The following AHNAK variants were observed in gnomAD, a reference collection of about 807,000 sequenced individuals.
AHNAK encodes neuroblast differentiation-associated protein AHNAK.
A neutral mutation model predicts 37.8 loss-of-function variants in AHNAK; 23 were observed. The observed-to-expected ratio is 0.61, with a 90% CI of 0.44 to 0.86. The LOEUF is 0.86. Among genes scored for constraint, AHNAK ranks in the 40% least tolerant of loss-of-function variants. The pLI is 0.00. For synonymous variants in AHNAK, 2,481 were observed against 2,636.3 expected (o/e 0.94, Z 1.80); for missense variants, 7,411 against 7,319.4 (o/e 1.01, Z -0.46).
Position 62,535,958 on chromosome 11 carries a change from C to A in AHNAK, c.141G>T (p.Gly47=). Residue 47 remains glycine (G), a synonymous_variant, in exon 3 of 5, where the codon GGG becomes GGT. Transcript: ENST00000378024. ...VTQNSPAART[G]VVKEGDQIVG... Reference sequence around the variant, plus strand: ...GGGGTGACTCACCCTCCTTGACCACCCCAGTGCGGGCCGCAGGGGAGTTCT... The same window carrying A: ...GGGGTGACTCACCCTCCTTGACCACACCAGTGCGGGCCGCAGGGGAGTTCT... 6.2e-7 allele frequency: 1 copy of A among 1,611,358 alleles called. No homozygotes were observed. The highest frequency in any genetic ancestry group is 8.5e-7 in the Non-Finnish European group (1 of 1,179,294).
Position 62,535,021 on chromosome 11 carries a change from G to A in AHNAK, c.324C>T (p.Cys108=). ...TACTCACCAGAACCACTTCAGAGCT[G>A]CAGGAGCTGAAGACTTCACGGGTCC... ...QTWTREVFSS[C]SSEVVLSGDD... The change falls in exon 4 of 5, where the codon TGC becomes TGT. Residue 108 remains cysteine (C), a synonymous_variant. Transcript: ENST00000378024. 6.2e-7 allele frequency: 1 copy of A among 1,611,480 alleles called. No individual in the cohort carries two copies. The highest frequency in any genetic ancestry group is 8.5e-7 in the Non-Finnish European group (1 of 1,178,150).
At chr11:62,440,211 C>T (rs1038252063) in intron 5 of AHNAK, among the ~76,000 whole-genome samples, 3 of 152,212 alleles carry the variant, frequency 2.0e-5, no homozygotes, top group African/African-American at 7.2e-5. Flanking sequence ...CTTTCTCAAG[C>T]TCACAGGGGC....
In AHNAK at chr11:62,433,723, A is replaced by G. The variant is rs78106831; in HGVS notation, c.*161T>C. The G allele has an allele frequency of 5.4e-3, 4,890 of 900,138 alleles. 176 individuals are homozygous for G. In the African/African-American group the frequency reaches 0.071, roughly 13 times the overall value. The allele number at this position is 900,138 out of a possible 1,614,324, so 55.8% of individuals were successfully genotyped here. A position where few individuals can be genotyped will look rare whatever the true frequency, so the allele number is the denominator to read the frequency against. ...GTCTGGCCTGGCTGGAGCTATAAAC[A>G]TGCATGCTCCGAAAAGCCGCCTCGC... On this transcript the variant is annotated 3_prime_UTR_variant, in exon 6 of 6. Coordinates refer to the AHNAK transcript ENST00000257247.
chr11:62,466,366 C>A (rs1938912361), intron 5 of AHNAK, among the ~76,000 whole-genome samples: 1 of 152,054 alleles, frequency 6.6e-6, no homozygotes, highest in African/African-American at 2.4e-5. Flanking sequence ...TTGTACTGCT[C>A]CCCTGAACAC....
downstream of AHNAK, among the ~76,000 whole-genome samples, chr11:62,513,992 C>G (rs747305934): frequency 3.1e-4 from 47 of 152,280 alleles, 1 homozygote; most frequent in Admixed American, 3.9e-4. Context: ...AATCTGAGAT[C>G]AGTGGGACTG....
chr11:62,525,904 G>A lies in AHNAK; in HGVS notation c.8513C>T (p.Pro2838Leu), dbSNP rs1160842425. The stretch of plus-strand genomic sequence containing the variant: ...ACCTGTGAGATTCAGGTCAATATCT[G>A]GCATGGATATCTTTGGAGTCTTAAA... ...MHFKTPKISM[P>L]DIDLNLTGPK... Residue 2838 changes from proline (P) to leucine (L), a missense_variant, in exon 5 of 5, where the codon CCA becomes CTA. Pro to Leu is a moderately conservative substitution (Grantham distance 98). Transcript: ENST00000378024. 8 of 1,613,984 alleles carry A rather than the reference G, an allele frequency of 5.0e-6. No individual in the cohort carries two copies. The African/African-American group carries it at 1.1e-4, about 22-fold the overall frequency.
At chr11:62,510,472 G>A (rs7937521) in intron 4 of AHNAK, among the ~76,000 whole-genome samples, 4,815 of 152,054 alleles carry the variant, frequency 0.032, 102 homozygotes, top group Middle Eastern at 0.078. Flanking sequence ...AGCCAGGTGC[G>A]GTGGCTCATG....
At position 62,521,262 on chromosome 11, in the gene AHNAK, G is replaced by T. The variant is rs2134202105; in HGVS notation, c.13155C>A (p.Ile4385=). Residue 4385 remains isoleucine, a synonymous_variant, in exon 5 of 5, where the codon ATC becomes ATA. Coordinates refer to ENST00000378024, the MANE Select transcript of AHNAK (RefSeq NM_001620.3). The stretch of plus-strand genomic sequence containing the variant: ...AGTTAAAGTCAATGTCAGGCATGGA[G>T]ATTTTGGGGGCCTTGATGTTCATCT... ...MPEMNIKAPK[I]SMPDIDFNLK... The T allele has an allele frequency of 1.9e-6, 3 of 1,613,988 alleles. No individual in the cohort carries two copies. The highest frequency in any genetic ancestry group is 2.5e-6 in the Non-Finnish European group (3 of 1,180,022).
intron 5 of AHNAK, among the ~76,000 whole-genome samples, chr11:62,457,397 G>A (rs1212567472): frequency 6.6e-6 from 1 of 151,194 alleles, no homozygotes; most frequent in Admixed American, 6.6e-5. Flanking sequence ...GAAGTGAGTC[G>A]AGATGTTGCC....
chr11:62,516,303 ACCTGAC>A lies in AHNAK; in HGVS notation c.*435_*440del. On this transcript the variant is annotated 3_prime_UTR_variant, in exon 5 of 5. Coordinates refer to ENST00000378024, the MANE Select transcript of AHNAK (RefSeq NM_001620.3). ...AGATCCAGTCTCAGGAAAGAGGAAGACCTGACCTCCGTCTGCAACCCATCACCCCAC... is the reference window on the plus strand; with the variant it reads ...AGATCCAGTCTCAGGAAAGAGGAAGACTCCGTCTGCAACCCATCACCCCAC... 7.8e-7 allele frequency: 1 copy of A among 1,289,366 alleles called. No homozygotes were observed. The highest frequency in any genetic ancestry group is 1.2e-5 in the South Asian group (1 of 81,008). The allele number at this position is 1,289,366 out of a possible 1,614,324, so 79.9% of individuals were successfully genotyped here. A position where few individuals can be genotyped will look rare whatever the true frequency, so the allele number is the denominator to read the frequency against.
At chr11:62,494,624 C>T (rs913985758) in intron 4 of AHNAK, among the ~76,000 whole-genome samples, 11 of 151,942 alleles carry the variant, frequency 7.2e-5, no homozygotes, top group Middle Eastern at 3.2e-3. Context: ...CCCAGCACTT[C>T]GAGAGGCCAA....
chr11:62,445,573 G>T (rs1290736711), intron 5 of AHNAK, among the ~76,000 whole-genome samples: 1 of 152,154 alleles, frequency 6.6e-6, no homozygotes, highest in Non-Finnish European at 1.5e-5. Context: ...CAACATCCTG[G>T]CCAGGCACAG....
In AHNAK at chr11:62,467,577, C is replaced by T. The variant is rs372644198; in HGVS notation, c.442+24155G>A. Among the ~76,000 whole-genome samples the T allele has an allele frequency of 1.9e-4, 29 of 152,270 alleles. 1 individual carries two copies. Among genetic ancestry groups the T allele is most frequent in the East Asian group, 1.7e-3 (9 of 5,172 alleles). On this transcript the variant is annotated intron_variant, in intron 5 of 5. Coordinates refer to the AHNAK transcript ENST00000257247. ...GCGCGCGCCTGTAATTCCCGCTACT[C>T]GGGAGACTGAGGCAGGAGAATTGCT...
chr11:62,513,457 C>T (rs571592343), downstream of AHNAK, among the ~76,000 whole-genome samples: 6 of 152,114 alleles, frequency 3.9e-5, no homozygotes, highest in South Asian at 2.1e-4. Flanking sequence ...ATCTCTTGAA[C>T]CCGGGAGGCG....
At chr11:62,468,553 C>T (rs1231261173) in intron 5 of AHNAK, among the ~76,000 whole-genome samples, 5 of 152,104 alleles carry the variant, frequency 3.3e-5, no homozygotes, top group African/African-American at 9.7e-5. Flanking sequence ...TATTCATGCT[C>T]AAGTTCCACA....
intron 5 of AHNAK, among the ~76,000 whole-genome samples, chr11:62,468,370 A>AT (rs1565204418): frequency 2.2e-4 from 24 of 107,904 alleles, no homozygotes; most frequent in South Asian, 1.0e-3. Flanking sequence ...AAAAAAAAAA[A>AT]AATATATATA....
At chr11:62,434,661 C>T (rs1938119894) in intron 5 of AHNAK, among the ~76,000 whole-genome samples, 1 of 152,164 alleles carries the variant, frequency 6.6e-6, no homozygotes, top group Non-Finnish European at 1.5e-5. Flanking sequence ...GGCGCAGTGG[C>T]TCACGCCTGT....
At chr11:62,538,090 C>T (rs1941010387) in intron 1 of AHNAK, among the ~76,000 whole-genome samples, 2 of 152,134 alleles carry the variant, frequency 1.3e-5, no homozygotes, top group African/African-American at 4.8e-5. Flanking sequence ...TTCCACCTCC[C>T]TCAGAGACAG....
At chr11:62,440,548 GTGGACAGAGA>G (rs1938283289) in intron 5 of AHNAK, among the ~76,000 whole-genome samples, 1 of 152,166 alleles carries the variant, frequency 6.6e-6, no homozygotes, top group African/African-American at 2.4e-5. Flanking sequence ...TGAGCCTCTA[GTGGACAGAGA>G]TGGCCACCGA....
Sources: gnomAD v4.1 joint callset for allele counts (sites outside exome capture counted in the v4.1 genomes callset) on GRCh38, gnomAD v4.1.1 for gene constraint, MANE v1.5 for transcripts, NCBI Gene and HGNC (gene_info 2026-07-23, HGNC 2026-07-21) for gene names.